DGKB: variants seen among roughly 807,000 people sequenced by gnomAD.
DGKB encodes 90 kDa diacylglycerol kinase.
In DGKB, 67 loss-of-function variants were observed where a neutral mutation model predicts 114.3. The observed-to-expected ratio is 0.59, with a 90% CI of 0.48 to 0.72. DGKB has a LOEUF of 0.72. Among genes scored for constraint, DGKB ranks in the 30% least tolerant of loss-of-function variants. DGKB has a pLI of 0.00. For synonymous variants in DGKB, 398 were observed against 323.1 expected (o/e 1.23, Z -2.49); for missense variants, 907 against 975.2 (o/e 0.93, Z 0.93).
At chr7:14,244,420 G>C (rs1015075507) in intron 23 of DGKB, among the ~76,000 whole-genome samples, 6 of 152,030 alleles carry the variant, frequency 3.9e-5, no homozygotes, top group Non-Finnish European at 8.8e-5. Context: ...ACTTTGGGAG[G>C]CTGAGGTGGG....
chr7:14,437,888 A>C (rs1012473077), intron 21 of DGKB, among the ~76,000 whole-genome samples: 25 of 151,536 alleles, frequency 1.6e-4, no homozygotes, highest in African/African-American at 5.8e-4. Flanking sequence ...ACATAACTGA[A>C]AAACACGTCA....
At chr7:14,527,051 A>G (rs1790765632) in intron 20 of DGKB, among the ~76,000 whole-genome samples, 1 of 152,116 alleles carries the variant, frequency 6.6e-6, no homozygotes, top group South Asian at 2.1e-4. Context: ...GTGGTGTAAC[A>G]CTACTTTGAA....
chr7:14,273,385 A>G (rs990248384), intron 23 of DGKB, among the ~76,000 whole-genome samples: 4 of 152,050 alleles, frequency 2.6e-5, no homozygotes, highest in African/African-American at 9.7e-5. Context: ...GAAAGAAAAG[A>G]AAGGTCTGAA....
intron 23 of DGKB, among the ~76,000 whole-genome samples, chr7:14,330,572 G>T (rs572507025): frequency 6.6e-6 from 1 of 151,994 alleles, no homozygotes; most frequent in Admixed American, 6.6e-5. Flanking sequence ...TATACTTCTT[G>T]TCAGATTTTG....
intron 12 of DGKB, among the ~76,000 whole-genome samples, chr7:14,680,511 G>A (rs1820640791): frequency 6.6e-6 from 1 of 151,870 alleles, no homozygotes; most frequent in African/African-American, 2.4e-5. Flanking sequence ...ACTTGTGAAT[G>A]GTAGGGCTAG....
chr7:14,200,792 T>A (rs972915959), intron 23 of DGKB, among the ~76,000 whole-genome samples: 1 of 151,964 alleles, frequency 6.6e-6, no homozygotes, highest in African/African-American at 2.4e-5. Context: ...AGGGAGAGTG[T>A]TTAACTCTAT....
At chr7:14,910,709 T>C (rs1043199062) in intron 1 of DGKB, among the ~76,000 whole-genome samples, 1 of 152,138 alleles carries the variant, frequency 6.6e-6, no homozygotes, top group African/African-American at 2.4e-5. Context: ...ACTGAATCTC[T>C]CTAATCTGGC....
At chr7:14,567,273 A>C (rs1425008840) in intron 20 of DGKB, among the ~76,000 whole-genome samples, 1 of 47,824 alleles carries the variant, frequency 2.1e-5, no homozygotes, top group Non-Finnish European at 3.6e-5. Flanking sequence ...TTATATATAT[A>C]ATTATATTAT....
intron 1 of DGKB, among the ~76,000 whole-genome samples, chr7:14,928,923 C>A (rs1784871399): frequency 6.6e-6 from 1 of 151,718 alleles, no homozygotes; most frequent in African/African-American, 2.4e-5. Context: ...TGAGAACATG[C>A]AATATTTATC....
chr7:14,487,896 G>C (rs1279683779), intron 20 of DGKB, among the ~76,000 whole-genome samples: 1 of 151,926 alleles, frequency 6.6e-6, no homozygotes, highest in Non-Finnish European at 1.5e-5. Context: ...TAACAGGTGT[G>C]AGGCAATGTG....
At chr7:14,759,277 T>C (rs947748498) in intron 2 of DGKB, among the ~76,000 whole-genome samples, 1 of 152,158 alleles carries the variant, frequency 6.6e-6, no homozygotes, top group Non-Finnish European at 1.5e-5. Flanking sequence ...AAAATTGACA[T>C]TAACAATTTC....
chr7:14,956,147 T>G (rs924069250), intron 1 of DGKB, among the ~76,000 whole-genome samples: 9 of 151,934 alleles, frequency 5.9e-5, no homozygotes, highest in African/African-American at 2.2e-4. Flanking sequence ...TGATAACCGA[T>G]AGATGTAAAA....
rs369656127 is a variant in DGKB at position 14,841,056 on chromosome 7, A to G, written c.70+138T>C. The G allele has an allele frequency of 7.5e-6, 5 of 667,798 alleles. No homozygotes were observed. In the East Asian group the frequency reaches 9.1e-5, roughly 12 times the overall value. The allele number at this position is 667,798 out of a possible 1,614,324, so 41.4% of individuals were successfully genotyped here. On this transcript the variant is annotated intron_variant, in intron 2 of 25. Transcript: ENST00000402815. ...GTGTCAAAAAGGTAGTCTCAAGTCA[A>G]CCTGACTTGTAAACACAAAAGGCAG...
intron 21 of DGKB, among the ~76,000 whole-genome samples, chr7:14,420,449 T>C (rs1826477653): frequency 6.6e-6 from 1 of 152,084 alleles, no homozygotes; most frequent in African/African-American, 2.4e-5. Context: ...TGGTAAAATA[T>C]CTACCTTATT....
chr7:14,858,749 A>T lies in DGKB; in HGVS notation c.-187-17299T>A, dbSNP rs1433786448. ...CGAGATATGAGTAGGAGCTTTAGGT[A>T]ATTGACCAAAATATAGAGACAAAGT... On this transcript the variant is annotated intron_variant, in intron 1 of 25. Coordinates refer to ENST00000402815, the MANE Select transcript of DGKB (RefSeq NM_001350709.2). Among the ~76,000 whole-genome samples, 9 of 152,292 alleles carry T rather than the reference A, an allele frequency of 5.9e-5. No homozygotes were observed. In the South Asian group the frequency reaches 1.9e-3, roughly 32 times the overall value.
chr7:14,827,421 A>G (rs1186140797), intron 2 of DGKB, among the ~76,000 whole-genome samples: 3 of 150,448 alleles, frequency 2.0e-5, no homozygotes, highest in Admixed American at 1.3e-4. Flanking sequence ...AAAGACAGGG[A>G]GAGAGAGAGA....
At chr7:14,648,094 G>C (rs1356019153) in intron 13 of DGKB, among the ~76,000 whole-genome samples, 2 of 152,216 alleles carry the variant, frequency 1.3e-5, no homozygotes, top group Non-Finnish European at 2.9e-5. Context: ...GCCCAGGCTT[G>C]ATTAGGTAAA....
intron 20 of DGKB, among the ~76,000 whole-genome samples, chr7:14,532,774 T>A (rs1368142695): frequency 6.6e-6 from 1 of 151,640 alleles, no homozygotes; most frequent in Non-Finnish European, 1.5e-5. Context: ...TTATCAAGCA[T>A]ATACACTAGA....
intron 19 of DGKB, among the ~76,000 whole-genome samples, chr7:14,577,477 CAA>C (rs1799313858): frequency 6.6e-6 from 1 of 152,052 alleles, no homozygotes; most frequent in Non-Finnish European, 1.5e-5. Context: ...ATTAGCCTGG[CAA>C]GGTGGCGGGC....
Sources: allele counts gnomAD v4.1 joint callset (sites outside exome capture counted in the v4.1 genomes callset), GRCh38; gene constraint gnomAD v4.1.1; transcripts MANE v1.5; gene names NCBI Gene and HGNC (gene_info 2026-07-23, HGNC 2026-07-21).